The following SERPINF2 variants were observed in gnomAD, a reference collection of about 807,000 sequenced individuals.
The protein encoded by SERPINF2 is alpha-2-antiplasmin.
In SERPINF2, 15 loss-of-function variants were observed where a neutral mutation model predicts 45.0. That is an observed-to-expected ratio of 0.33 (90% CI 0.22 to 0.51). The LOEUF (loss-of-function observed/expected upper bound fraction) is 0.51, where lower values mean the gene tolerates loss of function less well. Among genes scored for constraint, SERPINF2 ranks in the 20% least tolerant of loss-of-function variants. SERPINF2 has a pLI of 0.97. For missense variants in SERPINF2, 518 were observed against 637.4 expected (o/e 0.81, Z 2.02); for synonymous variants, 283 against 277.9 (o/e 1.02, Z -0.18).
rs376953167 is a variant in SERPINF2 at position 1,754,351 on chromosome 17, C to A, written c.1293C>A (p.Gly431=). The part of the protein sequence containing the change: ...EDTTGLPLFV[G]SVRNPNPSAP... ...CCACAGGCCTTCCCCTCTTCGTGGG[C>A]AGCGTGAGGAACCCCAACCCCAGTG... The change falls in exon 10 of 10, where the codon GGC becomes GGA. Residue 431 remains glycine (G), a synonymous_variant. Transcript: ENST00000453066. The A allele has an allele frequency of 1.9e-6, 3 of 1,614,026 alleles. No homozygotes were observed. Among genetic ancestry groups the A allele is most frequent in the African/African-American group, 1.3e-5 (1 of 74,946 alleles).
rs1229369899 is a variant in SERPINF2 at position 1,754,692 on chromosome 17, G to C, written c.*158G>C. 2.3e-6 allele frequency: 1 copy of C among 436,678 alleles called. No homozygotes were observed. Among genetic ancestry groups the C allele is most frequent in the Admixed American group, 4.2e-5 (1 of 24,002 alleles). The allele number at this position is 436,678 out of a possible 1,614,324, so 27.1% of individuals were successfully genotyped here. ...CTCTTGGGGAGTTTAGGGTGGGGGG[G>C]GGGCGCGGCTGGGAGGAGGGCAGGC... is the stretch of plus-strand genomic sequence containing the variant. On this transcript the variant is annotated 3_prime_UTR_variant, in exon 10 of 10. Transcript: ENST00000453066.
At position 1,748,837 on chromosome 17, in the gene SERPINF2, T is replaced by A. The variant is rs573379779; in HGVS notation, c.858+97T>A. 91 of 789,450 alleles carry A rather than the reference T, an allele frequency of 1.2e-4. No individual in the cohort carries two copies. In the South Asian group the frequency reaches 1.2e-3, roughly 10 times the overall value. The allele number at this position is 789,450 out of a possible 1,614,324, so 48.9% of individuals were successfully genotyped here. A position where few individuals can be genotyped will look rare whatever the true frequency, so the allele number is the denominator to read the frequency against. On this transcript the variant is annotated intron_variant, in intron 8 of 9. Transcript: ENST00000453066. ...CAGGCACAGGGATGGGTGGAGGCTGTCTCGCCTTCCTTGCCTCCACGTCCC... is the reference window on the plus strand; with the variant it reads ...CAGGCACAGGGATGGGTGGAGGCTGACTCGCCTTCCTTGCCTCCACGTCCC...
rs749485641 is a variant in SERPINF2, at chr17:1,748,701, C to T, written c.819C>T (p.Tyr273=). 3.2e-6 allele frequency: 5 copies of T among 1,564,950 alleles called. No homozygotes were observed. The highest frequency in any genetic ancestry group is 4.4e-6 in the Non-Finnish European group (5 of 1,135,114). Residue 273 remains tyrosine (Y), a synonymous_variant, in exon 8 of 10, where the codon TAC becomes TAT. Coordinates refer to ENST00000453066, the MANE Select transcript of SERPINF2 (RefSeq NM_000934.4). ...VPVEMMQART[Y]PLRWFLLEQP... ...TGGAAATGATGCAGGCCCGCACGTACCCGCTGCGCTGGTTCTTGCTGGAGC... is the reference window on the plus strand; with the variant it reads ...TGGAAATGATGCAGGCCCGCACGTATCCGCTGCGCTGGTTCTTGCTGGAGC...
intron 1 of SERPINF2, among the ~76,000 whole-genome samples, chr17:1,744,214 C>CA (rs1905579657): frequency 4.7e-5 from 7 of 149,084 alleles, no homozygotes; most frequent in Admixed American, 2.0e-4. Context: ...GGTCTTTTGC[C>CA]GGGTGCAGTG....
rs148689139 is a variant in SERPINF2 at position 1,753,152 on chromosome 17, C to G, written c.1063+362C>G. Among the ~76,000 whole-genome samples, 449 of 152,296 alleles carry G rather than the reference C, an allele frequency of 2.9e-3. 5 individuals are homozygous for G. Among genetic ancestry groups the G allele is most frequent in the African/African-American group, 0.01 (421 of 41,572 alleles). On this transcript the variant is annotated intron_variant, in intron 9 of 9. Transcript: ENST00000453066. ...GGGTGGAGTGGCTCATGCCTGTAAT[C>G]CCAGCACGTTGGGAAGCTGAAGTGG...
At chr17:1,751,062 G>T (rs1033088329) in intron 8 of SERPINF2, among the ~76,000 whole-genome samples, 3 of 152,186 alleles carry the variant, frequency 2.0e-5, no homozygotes, top group Non-Finnish European at 4.4e-5. Flanking sequence ...TTCTCCACAC[G>T]GGTACTCTGC....
At chr17:1,754,016 G>C in intron 9 of SERPINF2, 106 bp from the exon 10 acceptor site, 1 of 1,302,314 alleles carries the variant, frequency 7.7e-7, no homozygotes, top group Non-Finnish European at 1.1e-6. Flanking sequence ...AGGTATCTGT[G>C]AGTTCAAGCT....
chr17:1,752,833 C>T, intron 9 of SERPINF2, 43 bp downstream of exon 9: 1 of 1,540,158 alleles, frequency 6.5e-7, no homozygotes, highest in Non-Finnish European at 8.8e-7. Context: ...TCAGGCTGGG[C>T]AGGGCGGGTA....
intron 8 of SERPINF2, among the ~76,000 whole-genome samples, chr17:1,751,640 GC>G (rs1199899059): frequency 7.3e-6 from 1 of 137,062 alleles, no homozygotes; most frequent in Non-Finnish European, 1.7e-5. Flanking sequence ...TGTAATCCCA[GC>G]TACTCGGGAG....
In SERPINF2 at chr17:1,748,639, G is replaced by C; in HGVS notation, c.757G>C (p.Asp253His). 6.2e-7 allele frequency: 1 copy of C among 1,614,148 alleles called. No homozygotes were observed. Reference sequence around the variant, plus strand: ...GTTTGACCCGAGCCTTACCCAGAGAGACTCCTTCCACCTGGACGAGCAGTT... The same window carrying C: ...GTTTGACCCGAGCCTTACCCAGAGACACTCCTTCCACCTGGACGAGCAGTT... Reference protein sequence around the residue: ...NKFDPSLTQRDSFHLDEQFTV... With the variant: ...NKFDPSLTQRHSFHLDEQFTV... Residue 253 changes from aspartate (D) to histidine (H), a missense_variant, in exon 8 of 10, where the codon GAC becomes CAC. Asp to His is a moderately conservative substitution (Grantham distance 81, BLOSUM62 -1). Around this residue, in one of 2 missense-constraint regions of SERPINF2, gnomAD observed 435 missense variants for 577.3 expected, o/e 0.75. Transcript: ENST00000453066.
chr17:1,747,179 G>A lies in SERPINF2; in HGVS notation c.511+17G>A, dbSNP rs561749618. On this transcript the variant is annotated intron_variant, in intron 6 of 9. Transcript: ENST00000453066. Reference sequence around the variant, plus strand: ...TGCAGAAAGGTAGGCGCTGATGGCAGGGAGCTCCCTCAGTCCTGCCCTGGG... The same window carrying A: ...TGCAGAAAGGTAGGCGCTGATGGCAAGGAGCTCCCTCAGTCCTGCCCTGGG... 1.2e-6 allele frequency: 2 copies of A among 1,611,960 alleles called. No homozygotes were observed. Among genetic ancestry groups the A allele is most frequent in the East Asian group, 2.2e-5 (1 of 44,868 alleles).
chr17:1,754,303 C>T lies in SERPINF2; in HGVS notation c.1245C>T (p.Phe415=). The T allele has an allele frequency of 6.2e-7, 1 of 1,614,208 alleles. No individual in the cohort carries two copies. The highest frequency in any genetic ancestry group is 8.5e-7 in the Non-Finnish European group (1 of 1,180,050). The change falls in exon 10 of 10, where the codon TTC becomes TTT. Residue 415 remains phenylalanine (F), a synonymous_variant. Coordinates refer to ENST00000453066, the MANE Select transcript of SERPINF2 (RefSeq NM_000934.4). ...CCTCCTTCAGCGTGAACCGCCCCTT[C>T]CTCTTCTTCATCTTCGAGGACACCA... is the stretch of plus-strand genomic sequence containing the variant. ...SLSSFSVNRP[F]LFFIFEDTTG...
At chr17:1,746,838 T>C (rs1160544556) in intron 5 of SERPINF2, among the ~76,000 whole-genome samples, 181 bp from the exon 6 acceptor site, 1 of 151,592 alleles carries the variant, frequency 6.6e-6, no homozygotes, top group African/African-American at 2.4e-5. Context: ...TTGTGGGGGG[T>C]GAGGTCACCC....
At position 1,752,637 on chromosome 17, in the gene SERPINF2, A is replaced by G. The variant is rs756056105; in HGVS notation, c.910A>G (p.Thr304Ala). The stretch of plus-strand genomic sequence containing the variant: ...CATGAGCTTTGTGGTCCTTGTACCC[A>G]CCCACTTTGAATGGAACGTGTCCCA... ...NNMSFVVLVPTHFEWNVSQVL... is the reference protein window; with the variant it reads ...NNMSFVVLVPAHFEWNVSQVL... Residue 304 changes from threonine to alanine, a missense_variant, in exon 9 of 10, where the codon ACC becomes GCC. By Grantham distance (58) the Thr-to-Ala change is moderately conservative. This residue lies in a region of SERPINF2 where 435 missense variants were observed against 577.3 expected (regional missense o/e 0.75). Transcript: ENST00000453066. 8 of 1,613,924 alleles carry G rather than the reference A, an allele frequency of 5.0e-6. No individual in the cohort carries two copies. Among genetic ancestry groups the G allele is most frequent in the African/African-American group, 4.0e-5 (3 of 74,888 alleles).
Position 1,745,083 on chromosome 17 carries a change from G to C in SERPINF2, c.63+25G>C. 1 of 1,611,542 alleles carries C rather than the reference G, an allele frequency of 6.2e-7. No individual in the cohort carries two copies. ...GGTGAGGCTGGGCTGAAGTCAAGGT[G>C]GGGTGGGGTGGAGGGGGAAGAAGAG... On this transcript the variant is annotated intron_variant, in intron 2 of 9. Transcript: ENST00000453066. This position sits in a 1 kb window ranked among gnomAD's most constrained non-coding sequence, Gnocchi z 6.2.
chr17:1,744,408 G>A (rs1352706232), intron 1 of SERPINF2, among the ~76,000 whole-genome samples: 1 of 152,050 alleles, frequency 6.6e-6, no homozygotes, highest in Non-Finnish European at 1.5e-5. Flanking sequence ...CAGGAGAATC[G>A]CTTGAACCTG....
chr17:1,748,547 GC>G, intron 7 of SERPINF2, 50 bp from the exon 8 acceptor site: 2 of 1,604,986 alleles, frequency 1.2e-6, no homozygotes. Context: ...CCTGCCCTCT[GC>G]CCCAAGCTGG....
In SERPINF2 at chr17:1,745,561, T is replaced by C; in HGVS notation, c.166-147T>C. ...CGAAGGTGGGCGCCAGGCCCCAGAA[T>C]GCCAGTGCCCTCCGTCTGACGCTCC... On this transcript the variant is annotated intron_variant, in intron 4 of 9. Transcript: ENST00000453066. This position sits in a 1 kb window ranked among gnomAD's most constrained non-coding sequence, Gnocchi z 6.2. The C allele has an allele frequency of 8.6e-7, 1 of 1,157,974 alleles. No individual in the cohort carries two copies. The highest frequency in any genetic ancestry group is 1.3e-5 in the South Asian group (1 of 76,868). 71.7% of individuals were successfully genotyped at this position (1,157,974 alleles called of 1,614,324 possible).
Position 1,745,983 on chromosome 17 carries a change from G to A in SERPINF2, c.367+74G>A, listed in dbSNP as rs565495162. ...GAACTCAGTACTCCAATGGTTCTCC[G>A]CGGGCGGTTCCTCCACCAGGGTCAC... is the stretch of plus-strand genomic sequence containing the variant. On this transcript the variant is annotated intron_variant, in intron 5 of 9. Coordinates refer to ENST00000453066, the MANE Select transcript of SERPINF2 (RefSeq NM_000934.4). The surrounding 1 kb of genome is among the most constrained non-coding windows in gnomAD (Gnocchi z 6.2). The A allele has an allele frequency of 2.1e-4, 324 of 1,520,950 alleles. 1 individual carries two copies. Among genetic ancestry groups the A allele is most frequent in the Non-Finnish European group, 2.5e-4 (273 of 1,096,550 alleles). 94.2% of individuals were successfully genotyped at this position (1,520,950 alleles called of 1,614,324 possible).
Sources: allele counts gnomAD v4.1 joint callset (sites outside exome capture counted in the v4.1 genomes callset), GRCh38; gene constraint gnomAD v4.1.1; regional missense constraint gnomAD v4.1.1; non-coding constraint Gnocchi (gnomAD v3.1); transcripts MANE v1.5; gene names NCBI Gene and HGNC (gene_info 2026-07-23, HGNC 2026-07-21).